BMPER: variants seen among roughly 807,000 people sequenced by gnomAD.
The protein encoded by BMPER is BMP binding endothelial regulator, also known as BMP-binding endothelial regulator protein.
In BMPER, 45 loss-of-function variants were observed where a neutral mutation model predicts 87.3. The ratio of observed to expected loss-of-function variants is 0.52; its 90% CI spans 0.41 to 0.66. BMPER has a LOEUF of 0.66. BMPER is among the 30% of genes least tolerant of loss of function. The probability of loss-of-function intolerance (pLI) is 0.00; values close to 1 mark genes in which losing one functional copy is unlikely to be tolerated. For missense variants in BMPER, 784 were observed against 867.5 expected (o/e 0.90, Z 1.21); for synonymous variants, 326 against 316.2 (o/e 1.03, Z -0.33).
At chr7:33,965,078 T>G (rs1026939498) in intron 3 of BMPER, among the ~76,000 whole-genome samples, 1 of 152,222 alleles carries the variant, frequency 6.6e-6, no homozygotes, top group African/African-American at 2.4e-5. Flanking sequence ...TGTTGAAAAT[T>G]TACTGTATTC....
chr7:33,942,268 A>G (rs1585661096), intron 3 of BMPER, among the ~76,000 whole-genome samples: 1 of 152,208 alleles, frequency 6.6e-6, no homozygotes, highest in East Asian at 1.9e-4. Context: ...CCTGTATAAT[A>G]GTAGTCAGCA....
At chr7:34,130,675 C>T (rs1164004916) in intron 13 of BMPER, among the ~76,000 whole-genome samples, 1 of 152,198 alleles carries the variant, frequency 6.6e-6, no homozygotes, top group East Asian at 1.9e-4. Context: ...AGTGAGGGAT[C>T]GCTCCCATGG....
At chr7:34,092,818 G>A (rs1789424087) in intron 13 of BMPER, among the ~76,000 whole-genome samples, 1 of 152,138 alleles carries the variant, frequency 6.6e-6, no homozygotes, top group African/African-American at 2.4e-5. Context: ...GAAAATGTAT[G>A]GAACATCATT....
chr7:34,080,449 T>C (rs567684018), intron 12 of BMPER, among the ~76,000 whole-genome samples: 17 of 152,336 alleles, frequency 1.1e-4, no homozygotes, highest in African/African-American at 4.1e-4. Context: ...AGTATTAATA[T>C]ACTGGAACAT....
intron 7 of BMPER, among the ~76,000 whole-genome samples, chr7:34,046,642 A>G (rs766203677): frequency 9.9e-5 from 15 of 152,234 alleles, no homozygotes; most frequent in Non-Finnish European, 1.8e-4. Flanking sequence ...TGGGTACACC[A>G]GATGACCTGG....
At chr7:33,950,069 T>G (rs1585669572) in intron 3 of BMPER, among the ~76,000 whole-genome samples, 1 of 152,218 alleles carries the variant, frequency 6.6e-6, no homozygotes, top group East Asian at 1.9e-4. Flanking sequence ...GCTTTGTTTT[T>G]TAGATTTTGT....
chr7:34,036,142 A>C (rs1787659581), intron 6 of BMPER, among the ~76,000 whole-genome samples: 1 of 152,180 alleles, frequency 6.6e-6, no homozygotes, highest in Admixed American at 6.5e-5. Flanking sequence ...TGTTCTTTTC[A>C]TCTGCCTGGA....
intron 6 of BMPER, among the ~76,000 whole-genome samples, chr7:33,986,687 A>G (rs971131749): frequency 6.6e-6 from 1 of 152,138 alleles, no homozygotes; most frequent in African/African-American, 2.4e-5. Context: ...AGCTCAGGGG[A>G]CAGCAAGTCT....
intron 11 of BMPER, among the ~76,000 whole-genome samples, chr7:34,067,537 C>A (rs34953809): frequency 6.6e-6 from 1 of 152,068 alleles, no homozygotes; most frequent in Non-Finnish European, 1.5e-5. Flanking sequence ...CCCTTAACAC[C>A]GAGAGTCTGT....
chr7:33,906,718 G>A (rs113867760), intron 1 of BMPER, 100 bp from the exon 2 acceptor site: 1 of 1,032,504 alleles, frequency 9.7e-7, no homozygotes, highest in Admixed American at 1.9e-5. Flanking sequence ...TCTGAAGTTT[G>A]GGTAGAGGTT....
At chr7:34,007,599 T>G (rs1397582271) in intron 6 of BMPER, among the ~76,000 whole-genome samples, 1 of 152,036 alleles carries the variant, frequency 6.6e-6, no homozygotes, top group Non-Finnish European at 1.5e-5. Flanking sequence ...ACATCTTGGA[T>G]GTTGTTCCAA....
rs570378407 is a variant in BMPER, at chr7:34,116,912, C to G, written c.1746-26318C>G. Among the ~76,000 whole-genome samples the G allele has an allele frequency of 1.9e-3, 287 of 152,056 alleles. 2 individuals are homozygous for G. The highest frequency in any genetic ancestry group is 6.7e-3 in the African/African-American group (278 of 41,476). On this transcript the variant is annotated intron_variant, in intron 13 of 14. Transcript: ENST00000649409. ...GGCTGAGGCAGGAGAATTGCTTGAA[C>G]CTGGGAGACAGATGTGCAGTGATCT...
chr7:33,992,694 T>C (rs1562675317), intron 6 of BMPER, among the ~76,000 whole-genome samples: 1 of 150,910 alleles, frequency 6.6e-6, no homozygotes, highest in Non-Finnish European at 1.5e-5. Context: ...TATTAGTTGA[T>C]GCAGTTTCTT....
chr7:34,141,014 T>C (rs770941932), intron 13 of BMPER, among the ~76,000 whole-genome samples: 1 of 152,040 alleles, frequency 6.6e-6, no homozygotes, highest in Non-Finnish European at 1.5e-5. Flanking sequence ...GAAAGTGAAG[T>C]AGGAATGGGA....
chr7:33,953,948 G>A (rs1366076074), intron 3 of BMPER, among the ~76,000 whole-genome samples: 3 of 152,138 alleles, frequency 2.0e-5, no homozygotes, highest in Non-Finnish European at 4.4e-5. Flanking sequence ...TGTCTTCAAG[G>A]TTTATCCATG....
At chr7:34,025,401 C>A (rs960783962) in intron 6 of BMPER, among the ~76,000 whole-genome samples, 1 of 151,906 alleles carries the variant, frequency 6.6e-6, no homozygotes, top group African/African-American at 2.4e-5. Flanking sequence ...CAGCTTCAGG[C>A]GAATGGTGGG....
At chr7:33,929,788 G>T (rs1332919084) in intron 2 of BMPER, among the ~76,000 whole-genome samples, 1 of 152,170 alleles carries the variant, frequency 6.6e-6, no homozygotes, top group African/African-American at 2.4e-5. Flanking sequence ...GTTTGCAAGG[G>T]TTAAATGACA....
chr7:33,993,967 G>A (rs2127929161), intron 6 of BMPER, among the ~76,000 whole-genome samples: 1 of 152,344 alleles, frequency 6.6e-6, no homozygotes, highest in East Asian at 1.9e-4. Context: ...TGAGGAGGCA[G>A]TCTGCCCGTT....
At chr7:34,105,848 C>T (rs1297715354) in intron 13 of BMPER, among the ~76,000 whole-genome samples, 2 of 152,146 alleles carry the variant, frequency 1.3e-5, no homozygotes, top group Non-Finnish European at 2.9e-5. Flanking sequence ...TACTGGATCA[C>T]GGGAATGGAA....
Sources: gnomAD v4.1 joint callset for allele counts (sites outside exome capture counted in the v4.1 genomes callset) on GRCh38, gnomAD v4.1.1 for gene constraint, MANE v1.5 for transcripts, NCBI Gene and HGNC (gene_info 2026-07-23, HGNC 2026-07-21) for gene names.